Variants in DLGAP2 observed in about 807,000 individuals in gnomAD.
The protein encoded by DLGAP2 is disks large-associated protein 2.
In DLGAP2, 26 loss-of-function variants were observed where a neutral mutation model predicts 100.3. The observed-to-expected ratio is 0.26, with a 90% CI of 0.19 to 0.36. The LOEUF (loss-of-function observed/expected upper bound fraction) is 0.36. Ranked by LOEUF, DLGAP2 falls within the 10% of genes least tolerant of loss-of-function variation. The probability of loss-of-function intolerance (pLI) is 1.00; values close to 1 mark genes in which losing one functional copy is unlikely to be tolerated. For missense variants in DLGAP2, 1,858 were observed against 1,453.2 expected (o/e 1.28, Z -4.53); for synonymous variants, 886 against 630.1 (o/e 1.41, Z -6.08).
chr8:852,365 C>T (rs773984774), intron 1 of DLGAP2, among the ~76,000 whole-genome samples: 6 of 152,092 alleles, frequency 3.9e-5, no homozygotes, highest in Non-Finnish European at 5.9e-5. Context: ...CTGAGATTGG[C>T]TTTTCACACG....
At chr8:972,061 C>A (rs1200710434) in intron 2 of DLGAP2, among the ~76,000 whole-genome samples, 1 of 152,138 alleles carries the variant, frequency 6.6e-6, no homozygotes, top group Non-Finnish European at 1.5e-5. Flanking sequence ...AAGAAGTCAT[C>A]TTGGGGAAAC....
chr8:930,070 G>A (rs747372248), intron 2 of DLGAP2, among the ~76,000 whole-genome samples: 13 of 152,074 alleles, frequency 8.5e-5, no homozygotes, highest in Non-Finnish European at 1.5e-5. Context: ...TCTGAGACAG[G>A]CCACACTGAT....
chr8:1,023,853 A>ATGTGTGTGTGTGTGTGTG (rs1325437123), intron 2 of DLGAP2, among the ~76,000 whole-genome samples: 4 of 64,432 alleles, frequency 6.2e-5, no homozygotes, highest in Non-Finnish European at 1.5e-4. Flanking sequence ...CTCAAACTTT[A>ATGTGTGTGTGTGTGTGTG]TATATGTGTG....
chr8:1,388,703 G>A (rs1391606974), intron 3 of DLGAP2, among the ~76,000 whole-genome samples: 1 of 87,516 alleles, frequency 1.1e-5, no homozygotes, highest in Non-Finnish European at 2.5e-5. Context: ...GGCTGTAAGA[G>A]GCAGAGGCCG....
At position 1,683,954 on chromosome 8, in the gene DLGAP2, GTATATATATATA is replaced by G. The variant is rs59220880; in HGVS notation, c.2704+5348_2704+5359del. On this transcript the variant is annotated intron_variant, in intron 12 of 14. Coordinates refer to ENST00000637795, the MANE Select transcript of DLGAP2 (RefSeq NM_001346810.2). Reference sequence around the variant, plus strand: ...TATATATGTGTATATATATATGTGTGTATATATATATATATATATATATATATATATATACTT... The same window carrying G: ...TATATATGTGTATATATATATGTGTGTATATATATATATATATATATACTT... Among the ~76,000 whole-genome samples, 22 of 74,754 alleles carry G rather than the reference GTATATATATATA, an allele frequency of 2.9e-4. 1 individual carries two copies. Among genetic ancestry groups the G allele is most frequent in the East Asian group, 1.8e-3 (4 of 2,248 alleles). 49.0% of individuals were successfully genotyped at this position (74,754 alleles called of 152,430 possible). A position where few individuals can be genotyped will look rare whatever the true frequency, so the allele number is the denominator to read the frequency against.
At chr8:1,683,166 T>C (rs1405040798) in intron 12 of DLGAP2, among the ~76,000 whole-genome samples, 3 of 151,520 alleles carry the variant, frequency 2.0e-5, no homozygotes, top group Admixed American at 1.3e-4. Context: ...GAAGTACAGA[T>C]AAAGTACTTA....
intron 2 of DLGAP2, among the ~76,000 whole-genome samples, chr8:1,020,718 T>G (rs1306863063): frequency 1.3e-5 from 2 of 152,092 alleles, no homozygotes; most frequent in Non-Finnish European, 2.9e-5. Context: ...TGGTAAACAT[T>G]AAAGAGTAGC....
chr8:1,099,228 A>G (rs927977124), intron 2 of DLGAP2, among the ~76,000 whole-genome samples: 2 of 152,206 alleles, frequency 1.3e-5, no homozygotes, highest in African/African-American at 4.8e-5. Context: ...AGTAACTGCG[A>G]TGAATTCCCG....
intron 2 of DLGAP2, among the ~76,000 whole-genome samples, chr8:970,661 A>G (rs1799989963): frequency 6.6e-6 from 1 of 152,228 alleles, no homozygotes; most frequent in Admixed American, 6.5e-5. Flanking sequence ...AAATGGGAAC[A>G]TGTGTGTTCT....
At chr8:1,129,435 A>C (rs1796240883) in intron 2 of DLGAP2, among the ~76,000 whole-genome samples, 1 of 152,148 alleles carries the variant, frequency 6.6e-6, no homozygotes, top group African/African-American at 2.4e-5. Context: ...TAAAGAGGTA[A>C]AAACTGATTA....
intron 2 of DLGAP2, among the ~76,000 whole-genome samples, chr8:1,012,843 C>G (rs1244932172): frequency 6.6e-6 from 1 of 151,816 alleles, no homozygotes; most frequent in Non-Finnish European, 1.5e-5. Context: ...CCGCCTCCAC[C>G]CATCACGATA....
intron 2 of DLGAP2, among the ~76,000 whole-genome samples, chr8:978,990 G>A (rs1350354153): frequency 1.3e-5 from 2 of 152,168 alleles, no homozygotes. Context: ...GAGAGACCCT[G>A]TTAGGAAGCT....
rs1801910279 is a variant in DLGAP2 at position 1,554,993 on chromosome 8, A to C, written c.1230+5310A>C. Among the ~76,000 whole-genome samples, 7 of 152,282 alleles carry C rather than the reference A, an allele frequency of 4.6e-5. No individual in the cohort carries two copies. The South Asian group carries it at 1.4e-3, about 32-fold the overall frequency. On this transcript the variant is annotated intron_variant, in intron 5 of 14. Transcript: ENST00000637795. ...ATACCAGTGCTCAGCAGAATGAAAG[A>C]ACTGGCCAGCCTGGCTGTGCTCCAC...
At chr8:1,233,927 C>A (rs973208628) in intron 2 of DLGAP2, among the ~76,000 whole-genome samples, 1 of 152,116 alleles carries the variant, frequency 6.6e-6, no homozygotes, top group African/African-American at 2.4e-5. Flanking sequence ...ATTAATGACA[C>A]AAAAGGACTT....
At chr8:1,326,120 C>T (rs1056638406) in intron 3 of DLGAP2, among the ~76,000 whole-genome samples, 1 of 152,150 alleles carries the variant, frequency 6.6e-6, no homozygotes, top group Non-Finnish European at 1.5e-5. Flanking sequence ...TCTTGACTTG[C>T]TATGGTATTT....
At chr8:1,201,467 C>A (rs2116759062) in intron 2 of DLGAP2, among the ~76,000 whole-genome samples, 1 of 152,294 alleles carries the variant, frequency 6.6e-6, no homozygotes, top group East Asian at 1.9e-4. Flanking sequence ...GGAAGATTCT[C>A]CAGAGCCTCC....
At chr8:1,218,342 C>T (rs887243287) in intron 2 of DLGAP2, among the ~76,000 whole-genome samples, 1 of 152,096 alleles carries the variant, frequency 6.6e-6, no homozygotes, top group East Asian at 1.9e-4. Flanking sequence ...TATTGAATAG[C>T]AAATCCATTC....
chr8:996,303 C>G (rs975561887), intron 2 of DLGAP2, among the ~76,000 whole-genome samples: 2 of 152,172 alleles, frequency 1.3e-5, no homozygotes, highest in Non-Finnish European at 1.5e-5. Context: ...GGGGGTCATT[C>G]CTGTCGTTTA....
At chr8:1,356,270 G>A (rs1172747968) in intron 3 of DLGAP2, among the ~76,000 whole-genome samples, 1 of 152,204 alleles carries the variant, frequency 6.6e-6, no homozygotes, top group African/African-American at 2.4e-5. Context: ...CTCACCTGCT[G>A]TCAGCTGTCC....
Sources: gnomAD v4.1 joint callset for allele counts (sites outside exome capture counted in the v4.1 genomes callset) on GRCh38, gnomAD v4.1.1 for gene constraint, MANE v1.5 for transcripts, NCBI Gene and HGNC (gene_info 2026-07-23, HGNC 2026-07-21) for gene names.